Variants in MIR2052HG observed in about 807,000 individuals in gnomAD.
MIR2052HG encodes the protein MIR2052 host gene.
At chr8:74,750,203 T>C (rs1351483294) in intron 4 of MIR2052HG, among the ~76,000 whole-genome samples, 1 of 152,224 alleles carries the variant, frequency 6.6e-6, no homozygotes, top group African/African-American at 2.4e-5. Context: ...TAATATTTTA[T>C]ACTGAGTGGT....
rs575598614 is a variant in MIR2052HG, at chr8:74,748,419, A to C, written n.372-4022A>C. 8.5e-5 allele frequency among the ~76,000 whole-genome samples: 13 copies of C among 152,346 alleles called. No individual in the cohort carries two copies. The East Asian group carries it at 2.5e-3, about 29-fold the overall frequency. On this transcript the variant is annotated intron_variant and non_coding_transcript_variant, in intron 4 of 6. Coordinates refer to ENST00000523442, the Ensembl canonical transcript of MIR2052HG. ...TAAGCATTTTCAATCTCTCTTGTTG[A>C]ACACCACTAGTGGAGACAATGAAAG...
intron 1 of MIR2052HG, among the ~76,000 whole-genome samples, chr8:74,608,380 A>G (rs958267149): frequency 6.6e-6 from 1 of 152,226 alleles, no homozygotes; most frequent in Non-Finnish European, 1.5e-5. Flanking sequence ...TTTCTTTAAC[A>G]ACTGGGTTAC....
intron 2 of MIR2052HG, among the ~76,000 whole-genome samples, chr8:74,677,127 G>A (rs992689456): frequency 1.3e-5 from 2 of 151,962 alleles, no homozygotes; most frequent in Non-Finnish European, 2.9e-5. Context: ...TAATGTTGAA[G>A]AGCTCAGTTC....
intron 2 of MIR2052HG, among the ~76,000 whole-genome samples, chr8:74,674,132 G>GTT (rs989281961): frequency 4.4e-5 from 5 of 113,814 alleles, no homozygotes; most frequent in South Asian, 2.5e-4. Flanking sequence ...TATACCAGAG[G>GTT]TTTTTGTGTG....
At chr8:74,691,777 A>G (rs1809241930) in intron 2 of MIR2052HG, among the ~76,000 whole-genome samples, 1 of 152,370 alleles carries the variant, frequency 6.6e-6, no homozygotes, top group South Asian at 2.1e-4. Context: ...TATGCTGACA[A>G]GTGAAACCCA....
chr8:74,673,897 A>G (rs1440584089), intron 2 of MIR2052HG, among the ~76,000 whole-genome samples: 3 of 137,752 alleles, frequency 2.2e-5, no homozygotes, highest in African/African-American at 9.4e-5. Context: ...GTATATATAT[A>G]TATATATATA....
At chr8:74,707,407 G>A (rs546148861) in intron 4 of MIR2052HG, among the ~76,000 whole-genome samples, 3 of 152,238 alleles carry the variant, frequency 2.0e-5, no homozygotes, top group African/African-American at 7.2e-5. Flanking sequence ...GGATAGTATC[G>A]ATATGGTAGA....
chr8:74,691,879 C>T (rs1809242905), intron 2 of MIR2052HG, among the ~76,000 whole-genome samples: 1 of 152,114 alleles, frequency 6.6e-6, no homozygotes, highest in Non-Finnish European at 1.5e-5. Flanking sequence ...CTACCATTCT[C>T]CCATTAGTTA....
At chr8:74,718,742 G>A (rs1046025200) in intron 4 of MIR2052HG, among the ~76,000 whole-genome samples, 1 of 152,132 alleles carries the variant, frequency 6.6e-6, no homozygotes, top group African/African-American at 2.4e-5. Flanking sequence ...CTTCTGGGTT[G>A]CGACTGTCAA....
At chr8:74,659,351 G>A (rs112320995) in intron 2 of MIR2052HG, among the ~76,000 whole-genome samples, 17 of 152,284 alleles carry the variant, frequency 1.1e-4, no homozygotes, top group African/African-American at 3.8e-4. Context: ...CTCATGTTTT[G>A]TGTCCTCAAA....
chr8:74,632,906 C>T (rs1808534552), intron 2 of MIR2052HG, among the ~76,000 whole-genome samples: 1 of 152,184 alleles, frequency 6.6e-6, no homozygotes, highest in African/African-American at 2.4e-5. Context: ...CAGGCTGTCT[C>T]TGTTTTCTGG....
chr8:74,689,128 G>A (rs1188417638), intron 2 of MIR2052HG, among the ~76,000 whole-genome samples: 1 of 152,100 alleles, frequency 6.6e-6, no homozygotes, highest in South Asian at 2.1e-4. Context: ...AACCATACGT[G>A]GTTGTATTTT....
chr8:74,695,481 A>G lies in MIR2052HG; in HGVS notation n.217-6898A>G, dbSNP rs180802893. On this transcript the variant is annotated intron_variant and non_coding_transcript_variant, in intron 2 of 6. Transcript: ENST00000523442. The stretch of plus-strand genomic sequence containing the variant: ...ATCTCAATACTAATGTTGAATATAA[A>G]TGGCCTAAATGCTCCACTTAAAGGA... Among the ~76,000 whole-genome samples, 73 of 152,278 alleles carry G rather than the reference A, an allele frequency of 4.8e-4. 1 individual carries two copies. In the East Asian group the frequency reaches 0.013, roughly 27 times the overall value.
At chr8:74,619,605 G>A (rs1049644804) in intron 2 of MIR2052HG, among the ~76,000 whole-genome samples, 8 of 152,202 alleles carry the variant, frequency 5.3e-5, no homozygotes, top group African/African-American at 1.9e-4. Flanking sequence ...GATGGAGTAA[G>A]TGCAAGCAGG....
chr8:74,678,699 T>C (rs1809084065), intron 2 of MIR2052HG, among the ~76,000 whole-genome samples: 1 of 151,510 alleles, frequency 6.6e-6, no homozygotes, highest in South Asian at 2.1e-4. Context: ...TATAGAATGG[T>C]TATAGAAGAC....
rs113949613 is a variant in MIR2052HG at position 74,705,244 on chromosome 8, T to G, written n.371+1562T>G. Among the ~76,000 whole-genome samples, 26 of 152,178 alleles carry G rather than the reference T, an allele frequency of 1.7e-4. 3 individuals carry two copies. The highest frequency in any genetic ancestry group is 6.0e-4 in the African/African-American group (25 of 41,546). ...TAGGAAAAAATTATTTAATTGAGTT[T>G]TTATGTTTGCCAAAACCCACTCAGT... On this transcript the variant is annotated intron_variant and non_coding_transcript_variant, in intron 4 of 6. Transcript: ENST00000523442.
intron 2 of MIR2052HG, among the ~76,000 whole-genome samples, chr8:74,650,704 C>T (rs1470702518): frequency 1.3e-5 from 2 of 151,968 alleles, no homozygotes; most frequent in South Asian, 2.1e-4. Flanking sequence ...ATCAATAGTA[C>T]CTGTTGGTGA....
In MIR2052HG at chr8:74,712,860, A is replaced by T. The variant is rs143052687; in HGVS notation, n.371+9178A>T. Among the ~76,000 whole-genome samples the T allele has an allele frequency of 6.8e-3, 1,035 of 152,200 alleles. 12 individuals carry two copies. Among genetic ancestry groups the T allele is most frequent in the Middle Eastern group, 0.051 (15 of 294 alleles). On this transcript the variant is annotated intron_variant and non_coding_transcript_variant, in intron 4 of 6. Transcript: ENST00000523442. ...AGTTACTAAGTTTGGGGCAGTAGGG[A>T]TGTAGAAATAAAAAAGACCTTGTTC... is the stretch of plus-strand genomic sequence containing the variant.
At chr8:74,672,236 G>A (rs1809001329) in intron 2 of MIR2052HG, among the ~76,000 whole-genome samples, 1 of 152,184 alleles carries the variant, frequency 6.6e-6, no homozygotes, top group African/African-American at 2.4e-5. Flanking sequence ...ACTTGAGAGT[G>A]TCCATATCTG....
Sources: gnomAD v4.1 joint callset for allele counts (sites outside exome capture counted in the v4.1 genomes callset) on GRCh38, gnomAD v4.1.1 for gene constraint, MANE v1.5 for transcripts, NCBI Gene and HGNC (gene_info 2026-07-23, HGNC 2026-07-21) for gene names.